The following PCDH15 variants were observed in gnomAD, a reference collection of about 807,000 sequenced individuals.
The protein encoded by PCDH15 is protocadherin-15.
Under a neutral mutation model 178.5 loss-of-function variants are expected in PCDH15, and 129 were observed. The ratio of observed to expected loss-of-function variants is 0.72; its 90% confidence interval spans 0.63 to 0.84. The LOEUF (loss-of-function observed/expected upper bound fraction) is 0.84. Among genes scored for constraint, PCDH15 ranks in the 40% least tolerant of loss-of-function variants. The probability of loss-of-function intolerance (pLI) is 0.00; values close to 1 mark genes in which losing one functional copy is unlikely to be tolerated. For missense variants in PCDH15, 2,230 were observed against 2,099.9 expected, an observed-to-expected ratio of 1.06 and a Z score of -1.21; for synonymous variants, 800 against 732.0, an observed-to-expected ratio of 1.09 and a Z score of -1.50.
At chr10:54,315,238 T>G (rs189222232) in intron 8 of PCDH15, among the ~76,000 whole-genome samples, 1 of 152,204 alleles carries the variant, frequency 6.6e-6, no homozygotes, top group East Asian at 1.9e-4. Context: ...TTTGACTGAC[T>G]GTGCAATGGT....
At chr10:53,899,391 C>G (rs2082178099) in intron 26 of PCDH15, among the ~76,000 whole-genome samples, 1 of 152,042 alleles carries the variant, frequency 6.6e-6, no homozygotes, top group Non-Finnish European at 1.5e-5. Flanking sequence ...TGTCACTTTA[C>G]CTGTAGCATA....
intron 3 of PCDH15, among the ~76,000 whole-genome samples, chr10:54,848,423 A>G (rs1382950431): frequency 1.3e-5 from 2 of 149,358 alleles, no homozygotes; most frequent in African/African-American, 4.9e-5. Flanking sequence ...TTAATCAGTT[A>G]TTACGGGCAT....
chr10:55,279,184 A>T (rs1166671784), intron 1 of PCDH15, among the ~76,000 whole-genome samples: 1 of 152,164 alleles, frequency 6.6e-6, no homozygotes, highest in African/African-American at 2.4e-5. Flanking sequence ...TAACTTCAAA[A>T]AGAACTGCAA....
At chr10:54,986,195 A>C (rs2131910493) in intron 2 of PCDH15, among the ~76,000 whole-genome samples, 1 of 152,222 alleles carries the variant, frequency 6.6e-6, no homozygotes, top group African/African-American at 2.4e-5. Flanking sequence ...GGGAAGTGTT[A>C]AGGGAGAGGC....
chr10:54,890,776 C>T (rs929709871), intron 3 of PCDH15, among the ~76,000 whole-genome samples: 1 of 152,058 alleles, frequency 6.6e-6, no homozygotes, highest in African/African-American at 2.4e-5. Context: ...CACATGTCAT[C>T]ATCCAAACTG....
At chr10:54,018,405 T>G (rs1435245211) in intron 20 of PCDH15, among the ~76,000 whole-genome samples, 1 of 63,466 alleles carries the variant, frequency 1.6e-5, no homozygotes, top group Non-Finnish European at 3.6e-5. Context: ...GATATGGAAT[T>G]GTCAGTAATT....
chr10:53,939,045 T>G (rs2085825427), intron 24 of PCDH15, 90 bp from the exon 25 acceptor site: 1 of 1,292,766 alleles, frequency 7.7e-7, no homozygotes, highest in Non-Finnish European at 1.1e-6. Flanking sequence ...TCAAAAACAC[T>G]AAAAATGCCT....
intron 2 of PCDH15, among the ~76,000 whole-genome samples, chr10:54,574,720 A>T (rs913863860): frequency 1.3e-5 from 2 of 150,386 alleles, no homozygotes; most frequent in African/African-American, 4.9e-5. Flanking sequence ...AACTAGTTCA[A>T]CCATTGTGGA....
chr10:54,981,690 A>G (rs759940385), intron 2 of PCDH15, among the ~76,000 whole-genome samples: 30 of 152,272 alleles, frequency 2.0e-4, no homozygotes, highest in Non-Finnish European at 3.8e-4. Context: ...CAGAATCACA[A>G]TAAGTAATAT....
At chr10:55,504,282 G>T (rs1390357102) in intron 2 of PCDH15, among the ~76,000 whole-genome samples, 1 of 151,344 alleles carries the variant, frequency 6.6e-6, no homozygotes, top group East Asian at 1.9e-4. Context: ...TGTGGGGCAG[G>T]TGTTACATGA....
chr10:55,410,466 A>G (rs1455876955), intron 2 of PCDH15, among the ~76,000 whole-genome samples: 1 of 152,164 alleles, frequency 6.6e-6, no homozygotes, highest in African/African-American at 2.4e-5. Flanking sequence ...CGAAGAATAA[A>G]TAGCTTTGTA....
chr10:53,827,366 C>G, intron 32 of PCDH15, 27 bp downstream of exon 32: 1 of 1,583,326 alleles, frequency 6.3e-7, no homozygotes, highest in Non-Finnish European at 8.6e-7. Context: ...CCAACTACTT[C>G]TCAGAGTTCC....
intron 2 of PCDH15, among the ~76,000 whole-genome samples, chr10:54,962,227 ACCTTGGTATTC>A (rs1838675801): frequency 6.6e-6 from 1 of 152,150 alleles, no homozygotes; most frequent in South Asian, 2.1e-4. Context: ...GGGAGCCCAG[ACCTTGGTATTC>A]CCTAAGACAG....
At chr10:55,149,439 C>T (rs1373767969) in intron 2 of PCDH15, among the ~76,000 whole-genome samples, 1 of 151,728 alleles carries the variant, frequency 6.6e-6, no homozygotes, top group Non-Finnish European at 1.5e-5. Context: ...AATTAGAAGG[C>T]AGAATACAAC....
Position 55,450,712 on chromosome 10 carries a change from T to A in PCDH15, c.-156+176913A>T, listed in dbSNP as rs75109730. Among the ~76,000 whole-genome samples, 661 of 152,100 alleles carry A rather than the reference T, an allele frequency of 4.3e-3. 4 individuals are homozygous for A. The highest frequency in any genetic ancestry group is 0.015 in the African/African-American group (632 of 41,468). On this transcript the variant is annotated intron_variant, in intron 2 of 5. Coordinates refer to the PCDH15 transcript ENST00000613346. ...GTTTTCTTTTCAAGCACTGGCACTT[T>A]CCTAGTTGTTTGATAAGGTATATGT...
chr10:54,266,187 C>A (rs1591496476), intron 8 of PCDH15, among the ~76,000 whole-genome samples: 1 of 150,986 alleles, frequency 6.6e-6, no homozygotes. Context: ...AGAAACTAAA[C>A]AAATTACTCT....
chr10:55,172,101 A>C (rs2132124134), intron 1 of PCDH15, among the ~76,000 whole-genome samples: 1 of 152,120 alleles, frequency 6.6e-6, no homozygotes, highest in Non-Finnish European at 1.5e-5. Flanking sequence ...TTTTCAAAAG[A>C]TTAAAGTATT....
intron 2 of PCDH15, among the ~76,000 whole-genome samples, chr10:55,547,148 G>C (rs1025079084): frequency 3.3e-5 from 5 of 152,154 alleles, no homozygotes; most frequent in African/African-American, 1.2e-4. Flanking sequence ...CGGGGACGTT[G>C]ATATGGGTGC....
intron 15 of PCDH15, among the ~76,000 whole-genome samples, chr10:54,130,552 T>C (rs898419190): frequency 6.6e-6 from 1 of 152,174 alleles, no homozygotes; most frequent in South Asian, 2.1e-4. Context: ...ACTGCATTCA[T>C]GCACTGAGGA....
Sources: gnomAD v4.1 joint callset for allele counts (sites outside exome capture counted in the v4.1 genomes callset) on GRCh38, gnomAD v4.1.1 for gene constraint, MANE v1.5 for transcripts, NCBI Gene and HGNC (gene_info 2026-07-23, HGNC 2026-07-21) for gene names.